FAM186B: variants seen among roughly 807,000 people sequenced by gnomAD.
FAM186B encodes the protein protein FAM186B.
FAM186B carries 68 observed loss-of-function variants against 83.4 expected under a neutral mutation model. The ratio of observed to expected loss-of-function variants is 0.81; its 90% confidence interval spans 0.67 to 1.00. FAM186B has a LOEUF of 1.00. FAM186B is among the 50% of genes least tolerant of loss of function. The pLI, the probability that FAM186B is intolerant of heterozygous loss-of-function variation, is 0.00. For synonymous variants in FAM186B, 389 were observed against 422.0 expected, an observed-to-expected ratio of 0.92 and a Z score of 0.96; for missense variants, 983 against 1,099.2, an observed-to-expected ratio of 0.89 and a Z score of 1.49.
Position 49,600,052 on chromosome 12 carries a change from G to A in FAM186B, c.1588C>T (p.Gln530Ter). 6.2e-7 allele frequency: 1 copy of A among 1,606,096 alleles called. No individual in the cohort carries two copies. Among genetic ancestry groups the A allele is most frequent in the African/African-American group, 1.3e-5 (1 of 74,872 alleles). The change falls in exon 4 of 7, where the codon CAA becomes TAA. Residue 530 changes from glutamine to a stop codon, truncating the protein, a stop_gained. Transcript: ENST00000257894. LOFTEE classifies it high-confidence loss of function. The surrounding 1 kb of genome is among the most constrained non-coding windows in gnomAD (Gnocchi z 4.3). ...TCTAGCTGGACCCATCTCCGCTGTT[G>A]CTCCCTGGCCAGGTCTTCCAGATTC... is the stretch of plus-strand genomic sequence containing the variant. ...QWNLEDLAREQQRRWVQLEKE... is the reference protein window; with the variant it reads ...QWNLEDLARE
intron 5 of FAM186B, chr12:49,595,264 G>A: frequency 1.4e-6 from 1 of 703,444 alleles, no homozygotes; most frequent in Non-Finnish European, 2.5e-6. Flanking sequence ...GTGTAGCCTT[G>A]ATGTTTTCAT....
At chr12:49,613,210 A>C in the FAM186B span, among the ~76,000 whole-genome samples, 1 of 152,216 alleles carries the variant, frequency 6.6e-6, no homozygotes, top group Non-Finnish European at 1.5e-5. Flanking sequence ...AGGAATGTTT[A>C]CAGCACTAAA....
rs1939505729 is a variant in FAM186B at position 49,588,606 on chromosome 12, G to A, written c.2382C>T (p.Asn794=). 2.5e-6 allele frequency: 4 copies of A among 1,589,160 alleles called. No individual in the cohort carries two copies. The highest frequency in any genetic ancestry group is 1.3e-5 in the African/African-American group (1 of 74,634). The change falls in exon 6 of 7, where the codon AAC becomes AAT. Residue 794 remains asparagine, a synonymous_variant. Coordinates refer to ENST00000257894, the MANE Select transcript of FAM186B (RefSeq NM_032130.3). ...TGACCTCAGGGATGTTCAGGTGAAC[G>A]TTCCACTCCAGCTGGAGCTAGAGGA... ...TMFPKLQLEW[N]VHLNIPEVTS...
the FAM186B span, among the ~76,000 whole-genome samples, chr12:49,618,856 T>C: frequency 1.3e-5 from 2 of 152,072 alleles, no homozygotes; most frequent in African/African-American, 4.8e-5. Flanking sequence ...AAATCACCAA[T>C]AGGATGATTC....
chr12:49,611,286 T>C, the FAM186B span, among the ~76,000 whole-genome samples: 1 of 152,010 alleles, frequency 6.6e-6, no homozygotes, highest in Non-Finnish European at 1.5e-5. Context: ...GGCAGGAGAA[T>C]TGCTTGAACC....
intron 5 of FAM186B, chr12:49,593,979 T>G (rs1440811585): frequency 1.3e-5 from 2 of 154,222 alleles, no homozygotes; most frequent in African/African-American, 4.8e-5. Context: ...ATAAATATTA[T>G]TAAGATGCCA....
the FAM186B span, among the ~76,000 whole-genome samples, chr12:49,614,218 C>A: frequency 6.6e-6 from 1 of 151,982 alleles, no homozygotes; most frequent in African/African-American, 2.4e-5. Flanking sequence ...TCCCATTACT[C>A]GGTATACACC....
At chr12:49,604,644 G>T in intron 1 of FAM186B, 106 bp from the exon 2 acceptor site, 1 of 793,964 alleles carries the variant, frequency 1.3e-6, no homozygotes, top group Non-Finnish European at 2.1e-6. Flanking sequence ...TTGGGTCTCA[G>T]TTTTCTTATA....
rs748318170 is a variant in FAM186B at position 49,599,716 on chromosome 12, T to C, written c.1924A>G (p.Ile642Val). Residue 642 changes from isoleucine to valine, a missense_variant, in exon 4 of 7, where the codon ATC becomes GTC. Coordinates refer to ENST00000257894, the MANE Select transcript of FAM186B (RefSeq NM_032130.3). Reference sequence around the variant, plus strand: ...AAAGAGGGCCAGGTCAGCCTTCGGATGGATGTCCCAGTGACAGGAAAGGAG... The same window carrying C: ...AAAGAGGGCCAGGTCAGCCTTCGGACGGATGTCCCAGTGACAGGAAAGGAG... ...SASFPVTGTSIRRLTWPSLQI... is the reference protein window; with the variant it reads ...SASFPVTGTSVRRLTWPSLQI... 2 of 1,613,614 alleles carry C rather than the reference T, an allele frequency of 1.2e-6. No homozygotes were observed. The highest frequency in any genetic ancestry group is 2.2e-5 in the East Asian group (1 of 44,890).
In FAM186B at chr12:49,600,481, C is replaced by A; in HGVS notation, c.1159G>T (p.Ala387Ser). ...AMIRDSGAIA[A>S]GHQPLSTMTV... ...ATGGTGGAAAGTGGCTGGTGCCCTGCAGCTATAGCACCACTGTCCCGTATC... is the reference window on the plus strand; with the variant it reads ...ATGGTGGAAAGTGGCTGGTGCCCTGAAGCTATAGCACCACTGTCCCGTATC... The change falls in exon 4 of 7, where the codon GCA becomes TCA. Residue 387 changes from alanine to serine, a missense_variant. Coordinates refer to ENST00000257894, the MANE Select transcript of FAM186B (RefSeq NM_032130.3). The surrounding 1 kb of genome is among the most constrained non-coding windows in gnomAD (Gnocchi z 4.3). 2 of 1,613,582 alleles carry A rather than the reference C, an allele frequency of 1.2e-6. No homozygotes were observed. Among genetic ancestry groups the A allele is most frequent in the Non-Finnish European group, 1.7e-6 (2 of 1,179,700 alleles).
chr12:49,605,454 C>A lies in FAM186B; in HGVS notation c.24G>T (p.Gln8His). The change falls in exon 1 of 7, where the codon CAG becomes CAT. Residue 8 changes from glutamine to histidine, a missense_variant. Transcript: ENST00000257894. ...CTTTCACTGATGTGGGAGTCACCAA[C>A]TGTGGGGGGTCATCCTTCTCCATTT... MEKDDPP[Q>H]LVTPTSVKAI... 6.2e-7 allele frequency: 1 copy of A among 1,613,852 alleles called. No homozygotes were observed. The highest frequency in any genetic ancestry group is 8.5e-7 in the Non-Finnish European group (1 of 1,179,896).
the FAM186B span, among the ~76,000 whole-genome samples, chr12:49,620,316 T>C: frequency 6.6e-6 from 1 of 152,190 alleles, no homozygotes; most frequent in South Asian, 2.1e-4. Context: ...TTGCCCCAGT[T>C]AATTTAACTT....
intron 4 of FAM186B, 43 bp from the exon 5 acceptor site, chr12:49,598,990 C>G (rs976996018): frequency 8.8e-6 from 14 of 1,582,744 alleles, no homozygotes; most frequent in African/African-American, 1.4e-5. Context: ...GAGAGGCCTC[C>G]TCTATCCCCC....
At chr12:49,584,762 G>A (rs769749989), downstream of FAM186B, 10 of 609,198 alleles carry the variant, frequency 1.6e-5, no homozygotes, top group Non-Finnish European at 2.3e-5. Flanking sequence ...TCAACACAAC[G>A]TCCTCCCAAG....
At chr12:49,595,063 T>C (rs1939682366) in intron 5 of FAM186B, 1 of 232,526 alleles carries the variant, frequency 4.3e-6, no homozygotes, top group African/African-American at 2.3e-5. Flanking sequence ...AAATTCACGT[T>C]GTATAAATTA....
At chr12:49,619,536 GC>G in the FAM186B span, 1 of 702,450 alleles carries the variant, frequency 1.4e-6, no homozygotes. Flanking sequence ...GCAGCCCAAG[GC>G]TTTGTTGAAG....
chr12:49,603,373 GA>G lies in FAM186B; in HGVS notation c.323-7del, dbSNP rs1939941733. 6.2e-7 allele frequency: 1 copy of G among 1,614,098 alleles called. No homozygotes were observed. The highest frequency in any genetic ancestry group is 8.5e-7 in the Non-Finnish European group (1 of 1,179,984). On this transcript the variant is annotated splice_region_variant and splice_polypyrimidine_tract_variant and intron_variant, in intron 2 of 6. Coordinates refer to ENST00000257894, the MANE Select transcript of FAM186B (RefSeq NM_032130.3). Reference sequence around the variant, plus strand: ...CTCATAGGTCAGAGTGTCACCTGGAGAAGGGATGGGAGGTGCAGGCTGAGAG... The same window carrying G: ...CTCATAGGTCAGAGTGTCACCTGGAGAGGGATGGGAGGTGCAGGCTGAGAG...
chr12:49,621,428 A>G, the FAM186B span, among the ~76,000 whole-genome samples: 1 of 152,160 alleles, frequency 6.6e-6, no homozygotes, highest in African/African-American at 2.4e-5. Context: ...GGAGAATGAG[A>G]AAAGAGATGC....
chr12:49,609,702 G>A (rs894059265), upstream of FAM186B, among the ~76,000 whole-genome samples: 1 of 152,150 alleles, frequency 6.6e-6, no homozygotes, highest in Non-Finnish European at 1.5e-5. Flanking sequence ...ATAGAACTTG[G>A]GGCCAAGGAG....
Sources: allele counts gnomAD v4.1 joint callset (sites outside exome capture counted in the v4.1 genomes callset), GRCh38; gene constraint gnomAD v4.1.1; non-coding constraint Gnocchi (gnomAD v3.1); transcripts MANE v1.5; gene names NCBI Gene and HGNC (gene_info 2026-07-23, HGNC 2026-07-21).